KIF6: variants seen among roughly 807,000 people sequenced by gnomAD.
KIF6 encodes kinesin-like protein KIF6.
KIF6 carries 106 observed loss-of-function variants against 112.7 expected under a neutral mutation model. The ratio of observed to expected loss-of-function variants is 0.94; its 90% CI spans 0.80 to 1.11. The LOEUF (loss-of-function observed/expected upper bound fraction) is 1.11. KIF6 is among the 50% of genes least tolerant of loss of function. The pLI is 0.00. For missense variants in KIF6, 929 were observed against 964.0 expected (o/e 0.96, Z 0.48); for synonymous variants, 339 against 339.9 (o/e 1.00, Z 0.03).
At chr6:39,353,835 C>A in intron 19 of KIF6, 1 of 440,128 alleles carries the variant, frequency 2.3e-6, no homozygotes. Flanking sequence ...GAGAGATGGA[C>A]TTCAGGATGG....
chr6:39,527,264 G>T (rs1777789209), intron 13 of KIF6, among the ~76,000 whole-genome samples: 1 of 152,204 alleles, frequency 6.6e-6, no homozygotes, highest in Non-Finnish European at 1.5e-5. Context: ...AAGCTGGGAA[G>T]AGAGAGAAGC....
At chr6:39,353,940 C>T in intron 19 of KIF6, 1 of 572,006 alleles carries the variant, frequency 1.7e-6, no homozygotes, top group East Asian at 6.1e-5. Flanking sequence ...GGTGCCACTG[C>T]TCTGCAGCAG....
At position 39,527,910 on chromosome 6, in the gene KIF6, T is replaced by C. The variant is rs921357720; in HGVS notation, c.1645+12093A>G. On this transcript the variant is annotated intron_variant, in intron 13 of 22. Coordinates refer to ENST00000287152, the MANE Select transcript of KIF6 (RefSeq NM_145027.6). The stretch of plus-strand genomic sequence containing the variant: ...GTGATGTCATGATTTATGAATTCAA[T>C]GTGGAATAATTAAATAACACTAACA... 5.3e-5 allele frequency among the ~76,000 whole-genome samples: 8 copies of C among 152,368 alleles called. No individual in the cohort carries two copies. In the East Asian group the frequency reaches 1.5e-3, roughly 29 times the overall value.
intron 22 of KIF6, among the ~76,000 whole-genome samples, chr6:39,341,146 A>AC (rs1763305359): frequency 6.6e-6 from 1 of 151,494 alleles, no homozygotes; most frequent in South Asian, 2.1e-4. Context: ...TCACTGCTCA[A>AC]CCCCCTGGAG....
At chr6:39,346,655 C>CT (rs969874356) in intron 19 of KIF6, 129 bp from the exon 20 acceptor site, 464 of 529,470 alleles carry the variant, frequency 8.8e-4, no homozygotes, top group South Asian at 1.3e-3. Flanking sequence ...TTCTTTTTTT[C>CT]TTTTTTTTTG....
At chr6:39,650,376 A>T (rs1023014911) in intron 3 of KIF6, among the ~76,000 whole-genome samples, 1 of 152,166 alleles carries the variant, frequency 6.6e-6, no homozygotes, top group African/African-American at 2.4e-5. Flanking sequence ...TGAAACTTTA[A>T]TGAAGAAAAT....
chr6:39,376,289 C>G (rs537933196), intron 16 of KIF6, among the ~76,000 whole-genome samples: 1 of 152,140 alleles, frequency 6.6e-6, no homozygotes, highest in Admixed American at 6.6e-5. Flanking sequence ...CAAGCTCTCC[C>G]ATGTCTCCGC....
intron 13 of KIF6, among the ~76,000 whole-genome samples, chr6:39,442,499 G>A (rs752243898): frequency 6.6e-6 from 1 of 152,208 alleles, no homozygotes; most frequent in Non-Finnish European, 1.5e-5. Context: ...CAGGCACTGA[G>A]TTTGGAAAGC....
intron 5 of KIF6, among the ~76,000 whole-genome samples, chr6:39,622,719 T>A (rs1243285842): frequency 6.6e-6 from 1 of 152,200 alleles, no homozygotes; most frequent in African/African-American, 2.4e-5. Context: ...CAGTGACAAA[T>A]AAGTGAAAGT....
intron 16 of KIF6, among the ~76,000 whole-genome samples, chr6:39,364,366 A>T (rs1288498711): frequency 1.3e-5 from 2 of 151,990 alleles, no homozygotes; most frequent in African/African-American, 4.8e-5. Flanking sequence ...TGATCCACCC[A>T]CCTCGGCCTC....
chr6:39,382,889 C>T (rs965520358), intron 16 of KIF6, among the ~76,000 whole-genome samples: 1 of 151,078 alleles, frequency 6.6e-6, no homozygotes, highest in Non-Finnish European at 1.5e-5. Context: ...TATCTCGTTG[C>T]GATTTTGATT....
At chr6:39,490,520 G>A (rs956164420) in intron 13 of KIF6, among the ~76,000 whole-genome samples, 29 of 152,156 alleles carry the variant, frequency 1.9e-4, no homozygotes, top group Non-Finnish European at 2.8e-4. Flanking sequence ...TACACTAACC[G>A]TTGGGTTTGT....
chr6:39,584,750 T>C, intron 9 of KIF6, 148 bp downstream of exon 9: 1 of 504,408 alleles, frequency 2.0e-6, no homozygotes, highest in Middle Eastern at 5.3e-4. Flanking sequence ...AGATAGCATC[T>C]ACTCATAGGT....
At chr6:39,445,245 C>G (rs1252706661) in intron 13 of KIF6, among the ~76,000 whole-genome samples, 1 of 152,122 alleles carries the variant, frequency 6.6e-6, no homozygotes, top group African/African-American at 2.4e-5. Context: ...GGGCAGGGCC[C>G]AGGTTCTAAT....
At chr6:39,460,550 A>T (rs1347985575) in intron 13 of KIF6, among the ~76,000 whole-genome samples, 2 of 149,932 alleles carry the variant, frequency 1.3e-5, no homozygotes, top group Non-Finnish European at 3.0e-5. Flanking sequence ...AAAAAAAAAA[A>T]AAAAAAAAAA....
At chr6:39,473,088 G>A (rs1774223856) in intron 13 of KIF6, among the ~76,000 whole-genome samples, 1 of 152,038 alleles carries the variant, frequency 6.6e-6, no homozygotes, top group South Asian at 2.1e-4. Flanking sequence ...ATTTCTCCAT[G>A]TTGGTCAGGC....
chr6:39,529,000 G>A (rs1777896357), intron 13 of KIF6, among the ~76,000 whole-genome samples: 1 of 152,184 alleles, frequency 6.6e-6, no homozygotes, highest in Non-Finnish European at 1.5e-5. Context: ...AGAGAGCTCA[G>A]AAATGAACCA....
At chr6:39,567,723 T>A (rs1780376764) in intron 10 of KIF6, among the ~76,000 whole-genome samples, 1 of 151,992 alleles carries the variant, frequency 6.6e-6, no homozygotes, top group African/African-American at 2.4e-5. Context: ...TTCTCCTGCC[T>A]CAGCCTCCCG....
intron 20 of KIF6, among the ~76,000 whole-genome samples, chr6:39,346,088 C>CTCTCCCT (rs1562112892): frequency 6.4e-4 from 22 of 34,490 alleles, no homozygotes; most frequent in African/African-American, 2.1e-3. Flanking sequence ...CTCTCTCTCC[C>CTCTCCCT]CCCCCTCTCC....
Sources: allele counts gnomAD v4.1 joint callset (sites outside exome capture counted in the v4.1 genomes callset), GRCh38; gene constraint gnomAD v4.1.1; transcripts MANE v1.5; gene names NCBI Gene and HGNC (gene_info 2026-07-23, HGNC 2026-07-21).